NSD2: variants seen among roughly 807,000 people sequenced by gnomAD.
The protein encoded by NSD2 is nuclear receptor binding SET domain protein 2, also known as histone-lysine N-methyltransferase NSD2.
Under a neutral mutation model 139.0 loss-of-function variants are expected in NSD2, and 12 were observed. That is an observed-to-expected ratio of 0.09 (90% confidence interval 0.06 to 0.14). NSD2 has a LOEUF of 0.14. Among genes scored for constraint, NSD2 ranks in the 10% least tolerant of loss-of-function variants. The pLI is 1.00. For synonymous variants in NSD2, 669 were observed against 648.7 expected (o/e 1.03, Z -0.48); for missense variants, 1,155 against 1,745.0 (o/e 0.66, Z 6.02).
chr4:1,979,161 G>C lies in NSD2; in HGVS notation c.*252G>C, dbSNP rs560100846. 2.5e-6 allele frequency: 1 copy of C among 405,180 alleles called. No homozygotes were observed. Among genetic ancestry groups the C allele is most frequent in the Non-Finnish European group, 4.3e-6 (1 of 231,890 alleles). 25.1% of individuals were successfully genotyped at this position (405,180 alleles called of 1,614,324 possible). A position where few individuals can be genotyped will look rare whatever the true frequency, so the allele number is the denominator to read the frequency against. ...AACAGCCTCACTCCTCAGCGTTACC[G>C]CCACACTTGAATTTCTCCGAATGTC... is the stretch of plus-strand genomic sequence containing the variant. On this transcript the variant is annotated 3_prime_UTR_variant, in exon 22 of 22. Transcript: ENST00000508803.
At chr4:1,872,833 C>T (rs181708497) in intron 1 of NSD2, among the ~76,000 whole-genome samples, 3 of 152,106 alleles carry the variant, frequency 2.0e-5, no homozygotes, top group Non-Finnish European at 4.4e-5. Context: ...AACTTAGGAG[C>T]CATCCCATTT....
chr4:1,971,804 A>G (rs987464355), intron 18 of NSD2, among the ~76,000 whole-genome samples: 5 of 152,252 alleles, frequency 3.3e-5, no homozygotes, highest in Non-Finnish European at 7.3e-5. Context: ...AAGGAGGAAA[A>G]CAAATCCAGA....
rs781255847 is a variant in NSD2 at position 1,915,111 on chromosome 4, C to CTTTT, written c.761-1741_761-1738dup. On this transcript the variant is annotated intron_variant, in intron 3 of 21. Coordinates refer to ENST00000508803, the MANE Select transcript of NSD2 (RefSeq NM_001042424.3). ...CTTGTTGAATTTTTTCTTTTTTTCT[C>CTTTT]TTTTTTTTTTTTTTTTTTTTTTGAG... Among the ~76,000 whole-genome samples, 92 of 115,542 alleles carry CTTTT rather than the reference C, an allele frequency of 8.0e-4. 1 individual carries two copies. The highest frequency in any genetic ancestry group is 2.0e-3 in the African/African-American group (58 of 28,428). 75.8% of individuals were successfully genotyped at this position (115,542 alleles called of 152,430 possible). A position where few individuals can be genotyped will look rare whatever the true frequency, so the allele number is the denominator to read the frequency against.
chr4:1,911,519 C>T (rs956743871), intron 3 of NSD2, among the ~76,000 whole-genome samples: 4 of 136,268 alleles, frequency 2.9e-5, no homozygotes, highest in East Asian at 4.3e-4. Flanking sequence ...GCCCAGGAGA[C>T]AGAGGTTGCA....
chr4:1,914,606 G>C (rs916055713), intron 3 of NSD2, among the ~76,000 whole-genome samples: 1 of 152,062 alleles, frequency 6.6e-6, no homozygotes, highest in African/African-American at 2.4e-5. Context: ...GATTACAGGC[G>C]TGAGCCACTG....
intron 19 of NSD2, 35 bp downstream of exon 19, chr4:1,975,039 G>A: frequency 6.2e-7 from 1 of 1,613,296 alleles, no homozygotes; most frequent in African/African-American, 1.3e-5. Flanking sequence ...GGGGCTCCTG[G>A]CTATGGGGGC....
chr4:1,877,797 G>T (rs1714371733), intron 1 of NSD2, among the ~76,000 whole-genome samples: 1 of 152,066 alleles, frequency 6.6e-6, no homozygotes, highest in Non-Finnish European at 1.5e-5. Flanking sequence ...TATCTGTGTG[G>T]CTTACCCCTC....
In NSD2 at chr4:1,901,110, T is replaced by G. The variant is rs886059314; in HGVS notation, c.456T>G (p.Ser152=). 6.8e-6 allele frequency: 11 copies of G among 1,614,184 alleles called. No homozygotes were observed. The highest frequency in any genetic ancestry group is 9.3e-6 in the Non-Finnish European group (11 of 1,180,038). Residue 152 remains serine, a synonymous_variant, in exon 2 of 22, where the codon TCT becomes TCG. Transcript: ENST00000508803. ...GTGGTGACAGTGCTGCTGATGTGTC[T>G]CAGTCAGAAGAAAATGGACAAAAAC... ...SICGDSAADV[S]QSEENGQKPE...
intron 18 of NSD2, among the ~76,000 whole-genome samples, chr4:1,970,938 T>A (rs1037227220): frequency 6.6e-6 from 1 of 152,270 alleles, no homozygotes; most frequent in African/African-American, 2.4e-5. Context: ...GTGTTCTGAC[T>A]GTGGCCAGCA....
chr4:1,872,629 A>AGAGAGAGG (rs1553856461), intron 1 of NSD2, among the ~76,000 whole-genome samples: 4 of 142,694 alleles, frequency 2.8e-5, no homozygotes, highest in Non-Finnish European at 6.2e-5. Flanking sequence ...AGAGAGAGAG[A>AGAGAGAGG]GAGAGAGCGC....
Position 1,899,436 on chromosome 4 carries a change from C to A in NSD2, c.-29-1190C>A, listed in dbSNP as rs1716873216. ...CTAGTGGTGGTAATAAAAAATGCTT[C>A]CAGATGAGGTTAAGTGTCCCTGGGG... On this transcript the variant is annotated intron_variant, in intron 1 of 21. Coordinates refer to ENST00000508803, the MANE Select transcript of NSD2 (RefSeq NM_001042424.3). The A allele has an allele frequency of 2.6e-5, 4 of 152,220 alleles. No homozygotes were observed. In the South Asian group the frequency reaches 8.3e-4, roughly 31 times the overall value. 9.4% of individuals were successfully genotyped at this position (152,220 alleles called of 1,614,324 possible).
At chr4:1,945,297 A>G in intron 9 of NSD2, 1 of 1,065,904 alleles carries the variant, frequency 9.4e-7, no homozygotes, top group Non-Finnish European at 1.1e-6. Flanking sequence ...AGCACACCAC[A>G]GGAAAGGAGG....
intron 5 of NSD2, among the ~76,000 whole-genome samples, chr4:1,923,962 A>G (rs551174033): frequency 3.3e-5 from 5 of 152,302 alleles, no homozygotes; most frequent in African/African-American, 1.2e-4. Context: ...GTCCATCTAA[A>G]AAGTGTAAGT....
At chr4:1,937,177 G>A (rs1722503948) in intron 7 of NSD2, among the ~76,000 whole-genome samples, 2 of 152,040 alleles carry the variant, frequency 1.3e-5, no homozygotes, top group East Asian at 1.9e-4. Flanking sequence ...TCAGACTCCC[G>A]AGTAGCTGGG....
At chr4:1,905,477 T>C (rs1577401708) in intron 3 of NSD2, among the ~76,000 whole-genome samples, 1 of 152,376 alleles carries the variant, frequency 6.6e-6, no homozygotes, top group Middle Eastern at 3.4e-3. Context: ...TTCTGGTCTC[T>C]GGCTGGAGGC....
chr4:1,873,702 C>CT (rs1300720189), intron 1 of NSD2, among the ~76,000 whole-genome samples: 2 of 152,172 alleles, frequency 1.3e-5, no homozygotes, highest in Non-Finnish European at 2.9e-5. Flanking sequence ...AGAATGTGAA[C>CT]TTTTTTTGTT....
chr4:1,941,823 T>C, intron 9 of NSD2: 1 of 1,053,400 alleles, frequency 9.5e-7, no homozygotes, highest in African/African-American at 1.7e-5. Flanking sequence ...AACTTGTCTA[T>C]TATATATTAA....
chr4:1,896,706 C>T (rs1034187191), intron 1 of NSD2, among the ~76,000 whole-genome samples: 29 of 147,734 alleles, frequency 2.0e-4, no homozygotes, highest in Non-Finnish European at 3.8e-4. Flanking sequence ...TCTTCCATTC[C>T]TCTCCTTCCT....
chr4:1,872,799 ATT>A (rs1258857971), intron 1 of NSD2, among the ~76,000 whole-genome samples: 3 of 152,156 alleles, frequency 2.0e-5, no homozygotes, highest in Admixed American at 6.5e-5. Flanking sequence ...TATTTTGTGT[ATT>A]TCAAATATCA....
Sources: gnomAD v4.1 joint callset for allele counts (sites outside exome capture counted in the v4.1 genomes callset) on GRCh38, gnomAD v4.1.1 for gene constraint, MANE v1.5 for transcripts, NCBI Gene and HGNC (gene_info 2026-07-23, HGNC 2026-07-21) for gene names.